TCF12: variants seen among roughly 807,000 people sequenced by gnomAD.
TCF12 encodes the protein DNA-binding protein HTF4.
Under a neutral mutation model 86.0 loss-of-function variants are expected in TCF12, and 45 were observed. The ratio of observed to expected loss-of-function variants is 0.52; its 90% CI spans 0.41 to 0.67. TCF12 has a LOEUF of 0.67. TCF12 is among the 30% of genes least tolerant of loss of function. TCF12 has a pLI of 0.00. For synonymous variants in TCF12, 330 were observed against 299.6 expected (o/e 1.10, Z -1.05); for missense variants, 881 against 859.9 (o/e 1.02, Z -0.31).
At chr15:57,291,250 A>T (rs1173101299), downstream of TCF12, 1 of 152,254 alleles carries the variant, frequency 6.6e-6, no homozygotes, top group Non-Finnish European at 1.5e-5. Flanking sequence ...ATCCCCCCAC[A>T]TACTTTCAAT....
chr15:56,995,446 T>C (rs2063665721), intron 3 of TCF12, among the ~76,000 whole-genome samples: 1 of 151,958 alleles, frequency 6.6e-6, no homozygotes, highest in African/African-American at 2.4e-5. Flanking sequence ...TCAGTGAGCA[T>C]AGGATGTTTT....
chr15:57,185,170 T>C (rs1314686373), intron 6 of TCF12, among the ~76,000 whole-genome samples: 2 of 152,236 alleles, frequency 1.3e-5, no homozygotes, highest in African/African-American at 4.8e-5. Context: ...GTATCAGCTT[T>C]ATCTAAAGAA....
chr15:57,233,718 C>G (rs1387966308), intron 11 of TCF12, among the ~76,000 whole-genome samples: 1 of 152,174 alleles, frequency 6.6e-6, no homozygotes, highest in East Asian at 1.9e-4. Flanking sequence ...CTCAAGAGAT[C>G]TGCCTGCCTC....
intron 6 of TCF12, among the ~76,000 whole-genome samples, chr15:57,188,609 A>C (rs2056811972): frequency 6.6e-6 from 1 of 152,184 alleles, no homozygotes; most frequent in African/African-American, 2.4e-5. Context: ...GACCAATGGG[A>C]TAGAATTTGG....
chr15:57,144,763 T>C (rs1343534316), intron 5 of TCF12, among the ~76,000 whole-genome samples: 1 of 152,124 alleles, frequency 6.6e-6, no homozygotes, highest in Non-Finnish European at 1.5e-5. Flanking sequence ...CATGCCCAGC[T>C]AACTTTTTTG....
chr15:57,219,416 T>C, intron 8 of TCF12: 5 of 1,404,578 alleles, frequency 3.6e-6, no homozygotes, highest in Middle Eastern at 3.8e-4. Flanking sequence ...TAGATCCATG[T>C]GTGAATGCAT....
intron 6 of TCF12, among the ~76,000 whole-genome samples, chr15:57,172,956 A>AG (rs1251620684): frequency 6.6e-6 from 1 of 151,660 alleles, no homozygotes; most frequent in African/African-American, 2.4e-5. Context: ...AAAAAAAAAA[A>AG]AAGAAAACTA....
At chr15:57,253,791 C>A (rs1042529279) in intron 16 of TCF12, among the ~76,000 whole-genome samples, 2 of 152,142 alleles carry the variant, frequency 1.3e-5, no homozygotes, top group Non-Finnish European at 2.9e-5. Context: ...GAGTTCTGAT[C>A]TAGAAAAGTT....
chr15:56,996,024 C>A (rs898661527), intron 3 of TCF12, among the ~76,000 whole-genome samples: 1 of 152,154 alleles, frequency 6.6e-6, no homozygotes, highest in African/African-American at 2.4e-5. Flanking sequence ...AAAGCTTTTT[C>A]TGCATCTATT....
At chr15:57,271,370 T>C (rs1442195896) in intron 18 of TCF12, among the ~76,000 whole-genome samples, 2 of 152,174 alleles carry the variant, frequency 1.3e-5, no homozygotes, top group Non-Finnish European at 2.9e-5. Flanking sequence ...CAAGCAAGGC[T>C]CCGTGGGCCT....
intron 5 of TCF12, among the ~76,000 whole-genome samples, chr15:57,155,323 A>G (rs2054039961): frequency 6.6e-6 from 1 of 152,008 alleles, no homozygotes; most frequent in Admixed American, 6.6e-5. Flanking sequence ...TAAGATTTTT[A>G]TTTTGAGTTA....
intron 4 of TCF12, among the ~76,000 whole-genome samples, chr15:57,087,641 TTA>T (rs1385802420): frequency 1.3e-5 from 2 of 152,194 alleles, no homozygotes; most frequent in African/African-American, 4.8e-5. Flanking sequence ...ATAGATGGAA[TTA>T]TTTAAGATTT....
intron 4 of TCF12, among the ~76,000 whole-genome samples, chr15:57,090,347 A>G (rs1389052600): frequency 6.6e-6 from 1 of 152,222 alleles, no homozygotes; most frequent in Non-Finnish European, 1.5e-5. Context: ...GGTTATAGTT[A>G]CCAGAGAACA....
chr15:57,145,231 A>T (rs1226534777), intron 5 of TCF12, among the ~76,000 whole-genome samples: 2 of 152,170 alleles, frequency 1.3e-5, no homozygotes, highest in East Asian at 3.9e-4. Context: ...AATCTAATTA[A>T]GCTTATTTAC....
chr15:57,164,532 G>A (rs1441290224), intron 5 of TCF12, among the ~76,000 whole-genome samples: 1 of 151,868 alleles, frequency 6.6e-6, no homozygotes, highest in Non-Finnish European at 1.5e-5. Context: ...CAGCAGCATG[G>A]GGGTAACCGC....
chr15:56,962,394 C>T (rs1165264245), intron 3 of TCF12, among the ~76,000 whole-genome samples: 1 of 151,982 alleles, frequency 6.6e-6, no homozygotes, highest in Non-Finnish European at 1.5e-5. Flanking sequence ...TCTACTATAA[C>T]TTTTTTTTGT....
At position 56,991,392 on chromosome 15, in the gene TCF12, A is replaced by G. The variant is rs965291825; in HGVS notation, c.148+70294A>G. The stretch of plus-strand genomic sequence containing the variant: ...CAGTTAGAGACATAGGAAAAAGTGG[A>G]ATATTGAATTTGCATTGAAAGGGCT... On this transcript the variant is annotated intron_variant, in intron 3 of 20. Transcript: ENST00000333725. Among the ~76,000 whole-genome samples the G allele has an allele frequency of 3.3e-5, 5 of 152,234 alleles. No homozygotes were observed. In the East Asian group the frequency reaches 5.8e-4, roughly 18 times the overall value.
intron 3 of TCF12, among the ~76,000 whole-genome samples, chr15:57,032,399 A>G (rs1325696122): frequency 6.6e-6 from 1 of 152,204 alleles, no homozygotes; most frequent in East Asian, 1.9e-4. Flanking sequence ...AATATACCTT[A>G]TAGGATTTAA....
chr15:57,192,070 G>C, intron 6 of TCF12, 88 bp from the exon 7 acceptor site: 1 of 1,478,048 alleles, frequency 6.8e-7, no homozygotes, highest in Non-Finnish European at 9.2e-7. Context: ...CATTGCTGAA[G>C]TTGTAAATAA....
Sources: gnomAD v4.1 joint callset for allele counts (sites outside exome capture counted in the v4.1 genomes callset) on GRCh38, gnomAD v4.1.1 for gene constraint, MANE v1.5 for transcripts, NCBI Gene and HGNC (gene_info 2026-07-23, HGNC 2026-07-21) for gene names.